Variants in NRXN3 observed in about 807,000 individuals in gnomAD.
The protein encoded by NRXN3 is neurexin III.
NRXN3 carries 32 observed loss-of-function variants against 137.6 expected under a neutral mutation model. The observed-to-expected ratio is 0.23, with a 90% confidence interval of 0.18 to 0.31. The LOEUF is 0.31. Among genes scored for constraint, NRXN3 ranks in the 10% least tolerant of loss-of-function variants. The probability of loss-of-function intolerance (pLI) is 1.00; values close to 1 mark genes in which losing one functional copy is unlikely to be tolerated. For synonymous variants in NRXN3, 798 were observed against 784.5 expected (o/e 1.02, Z -0.29); for missense variants, 1,574 against 2,062.5 (o/e 0.76, Z 4.59).
intron 1 of NRXN3, among the ~76,000 whole-genome samples, chr14:78,193,692 G>A (rs545845895): frequency 1.2e-4 from 18 of 149,694 alleles, no homozygotes; most frequent in Admixed American, 6.1e-4. Context: ...AACCTGGAAG[G>A]TGGAAGTTGT....
At chr14:78,495,764 A>T (rs1304001938) in intron 4 of NRXN3, among the ~76,000 whole-genome samples, 1 of 152,194 alleles carries the variant, frequency 6.6e-6, no homozygotes, top group Non-Finnish European at 1.5e-5. Flanking sequence ...ACCACATACC[A>T]GTTAGTGAAG....
At chr14:79,617,917 C>CAAAAAAAAAAAAAAAAAACA (rs1162153685) in intron 16 of NRXN3, among the ~76,000 whole-genome samples, 1 of 91,332 alleles carries the variant, frequency 1.1e-5, no homozygotes, top group African/African-American at 5.8e-5. Flanking sequence ...TGAATAGCAG[C>CAAAAAAAAAAAAAAAAAACA]AAAAAAAAAA....
chr14:79,688,090 T>A (rs1194285956), intron 17 of NRXN3, among the ~76,000 whole-genome samples: 2 of 152,114 alleles, frequency 1.3e-5, no homozygotes, highest in Admixed American at 1.3e-4. Context: ...AATATGGTCA[T>A]CTTTTGAATG....
intron 15 of NRXN3, among the ~76,000 whole-genome samples, chr14:79,442,371 A>G (rs552491500): frequency 6.6e-6 from 1 of 152,356 alleles, no homozygotes; most frequent in African/African-American, 2.4e-5. Context: ...GTTTGTGCAT[A>G]TGATTTATCA....
At position 78,656,045 on chromosome 14, in the gene NRXN3, T is replaced by A. The variant is rs544323122; in HGVS notation, c.1221+4719T>A. Among the ~76,000 whole-genome samples the A allele has an allele frequency of 9.4e-4, 143 of 152,212 alleles. 1 individual carries two copies. The highest frequency in any genetic ancestry group is 1.6e-3 in the Non-Finnish European group (112 of 67,992). On this transcript the variant is annotated intron_variant, in intron 6 of 20. Transcript: ENST00000335750. ...TCCCAGAGGCCCCACCTCCTAAAAC[T>A]GTCACATTGTGGGTTAGAATTTCCA...
Position 78,766,225 on chromosome 14 carries a change from TAAAAAG to T in NRXN3, c.2045-37389_2045-37384del, listed in dbSNP as rs1443614322. ...GTTCTCTTTACCTTGAGTAGCTTCT[TAAAAAG>T]AAAAATAAAGAGAAGAACTAGCAGT... On this transcript the variant is annotated intron_variant, in intron 8 of 20. Coordinates refer to ENST00000335750, the MANE Select transcript of NRXN3 (RefSeq NM_001330195.2). Among the ~76,000 whole-genome samples the T allele has an allele frequency of 2.6e-5, 4 of 152,282 alleles. No individual in the cohort carries two copies. In the South Asian group the frequency reaches 8.3e-4, roughly 32 times the overall value.
intron 10 of NRXN3, among the ~76,000 whole-genome samples, chr14:78,950,642 AAAG>A (rs2152945086): frequency 6.6e-6 from 1 of 152,096 alleles, no homozygotes; most frequent in South Asian, 2.1e-4. Flanking sequence ...AAAAAGAAGG[AAAG>A]AAGGAAGGAA....
intron 11 of NRXN3, among the ~76,000 whole-genome samples, chr14:78,961,186 G>A (rs997239764): frequency 6.6e-5 from 10 of 152,010 alleles, no homozygotes; most frequent in Middle Eastern, 3.2e-3. Context: ...GTAAGCCTTC[G>A]TTTTCTTAAC....
chr14:79,781,297 G>C (rs1395281020), intron 19 of NRXN3, among the ~76,000 whole-genome samples: 1 of 152,124 alleles, frequency 6.6e-6, no homozygotes, highest in Non-Finnish European at 1.5e-5. Flanking sequence ...AATATATTTT[G>C]TGAAGAATAG....
chr14:78,897,348 C>CT (rs527348086), intron 10 of NRXN3, among the ~76,000 whole-genome samples: 33 of 150,848 alleles, frequency 2.2e-4, no homozygotes, highest in Middle Eastern at 3.4e-3. Context: ...GGAGATATTG[C>CT]TTTTTTTTTC....
In NRXN3 at chr14:79,266,512, A is replaced by G. The variant is rs184985849; in HGVS notation, c.3263-200709A>G. ...AGGATTTTCACTTTGAGAGGATCAA[A>G]ACCCAAAAAACATCAGATGCATTTT... is the stretch of plus-strand genomic sequence containing the variant. On this transcript the variant is annotated intron_variant, in intron 15 of 20. Transcript: ENST00000335750. Among the ~76,000 whole-genome samples, 180 of 152,308 alleles carry G rather than the reference A, an allele frequency of 1.2e-3. 1 individual carries two copies. Among genetic ancestry groups the G allele is most frequent in the Admixed American group, 9.3e-3 (143 of 15,304 alleles).
intron 20 of NRXN3, among the ~76,000 whole-genome samples, chr14:79,833,077 G>C (rs761681127): frequency 6.6e-6 from 1 of 151,936 alleles, no homozygotes; most frequent in Non-Finnish European, 1.5e-5. Context: ...TTTCTATTAG[G>C]GTACAGCCAC....
intron 1 of NRXN3, among the ~76,000 whole-genome samples, chr14:78,184,785 G>T (rs72683755): frequency 0.25 from 38,769 of 152,122 alleles, 5,383 homozygotes; most frequent in East Asian, 0.36. Flanking sequence ...CAGCAGAGCC[G>T]TGTCTGGAGC....
chr14:78,300,631 A>G (rs1489576384), intron 4 of NRXN3: 12 of 1,483,550 alleles, frequency 8.1e-6, no homozygotes, highest in East Asian at 7.4e-5. Context: ...GGCCGCCTCC[A>G]TGGTGAACAC....
chr14:78,793,561 C>T (rs1171126103), intron 8 of NRXN3, among the ~76,000 whole-genome samples: 4 of 152,130 alleles, frequency 2.6e-5, no homozygotes, highest in Admixed American at 6.5e-5. Flanking sequence ...TTCCAAGAGT[C>T]CTCTCCCAGT....
At chr14:79,002,211 A>T (rs889517451) in intron 15 of NRXN3, among the ~76,000 whole-genome samples, 9 of 152,146 alleles carry the variant, frequency 5.9e-5, no homozygotes, top group South Asian at 2.1e-4. Flanking sequence ...AAATGTGTAT[A>T]TGTATTTTTT....
chr14:78,290,531 C>G (rs2075697668), intron 3 of NRXN3, among the ~76,000 whole-genome samples: 1 of 152,136 alleles, frequency 6.6e-6, no homozygotes, highest in Non-Finnish European at 1.5e-5. Flanking sequence ...ACTCAGGAGG[C>G]TGAGGTGGGA....
chr14:78,471,442 C>A (rs1407452064), intron 4 of NRXN3, among the ~76,000 whole-genome samples: 1 of 152,052 alleles, frequency 6.6e-6, no homozygotes, highest in East Asian at 1.9e-4. Flanking sequence ...AAATTCAGGG[C>A]CTGATCACCA....
At chr14:78,528,170 T>G (rs1037843227) in intron 4 of NRXN3, among the ~76,000 whole-genome samples, 34 of 152,366 alleles carry the variant, frequency 2.2e-4, no homozygotes, top group Admixed American at 1.9e-3. Flanking sequence ...ACAACCCAAA[T>G]TGGAATGAAC....
Sources: allele counts gnomAD v4.1 joint callset (sites outside exome capture counted in the v4.1 genomes callset), GRCh38; gene constraint gnomAD v4.1.1; transcripts MANE v1.5; gene names NCBI Gene and HGNC (gene_info 2026-07-23, HGNC 2026-07-21).